SIPA1L3: variants seen among roughly 807,000 people sequenced by gnomAD.
SIPA1L3 encodes the protein signal induced proliferation associated 1 like 3, also known as signal-induced proliferation-associated 1-like protein 3.
Under a neutral mutation model 150.1 loss-of-function variants are expected in SIPA1L3, and 59 were observed. That is an observed-to-expected ratio of 0.39 (90% CI 0.32 to 0.49). The LOEUF is 0.49. SIPA1L3 is among the 20% of genes least tolerant of loss of function. The pLI is 0.86. For synonymous variants in SIPA1L3, 1,070 were observed against 1,077.6 expected, an observed-to-expected ratio of 0.99 and a Z score of 0.14; for missense variants, 2,211 against 2,489.5, an observed-to-expected ratio of 0.89 and a Z score of 2.38.
chr19:38,053,329 T>C (rs762015638), intron 2 of SIPA1L3, among the ~76,000 whole-genome samples: 2 of 152,248 alleles, frequency 1.3e-5, no homozygotes, highest in South Asian at 2.1e-4. Context: ...TTTACACTTA[T>C]TCACTTAGTT....
intron 2 of SIPA1L3, among the ~76,000 whole-genome samples, chr19:38,048,184 CTCAG>C (rs1385622394): frequency 1.3e-5 from 2 of 152,158 alleles, no homozygotes; most frequent in African/African-American, 4.8e-5. Flanking sequence ...CTTTGTGGTT[CTCAG>C]TCAGGATGCT....
At chr19:38,068,582 G>GT (rs1969649093) in intron 2 of SIPA1L3, among the ~76,000 whole-genome samples, 1 of 152,140 alleles carries the variant, frequency 6.6e-6, no homozygotes, top group Non-Finnish European at 1.5e-5. Flanking sequence ...CTACTTGGCA[G>GT]GGCATGGTGG....
rs540216435 is a variant in SIPA1L3 at position 38,208,096 on chromosome 19, T to C, written c.*1856T>C. ...GATCATTCGAATCATTTTGGGGACT[T>C]AATCATGTACATGGACAAGTGTAAA... On this transcript the variant is annotated 3_prime_UTR_variant, in exon 22 of 22. Transcript: ENST00000222345. 2.0e-5 allele frequency: 3 copies of C among 151,914 alleles called. No individual in the cohort carries two copies. Among genetic ancestry groups the C allele is most frequent in the African/African-American group, 7.3e-5 (3 of 41,308 alleles). The allele number at this position is 151,914 out of a possible 1,614,324, so 9.4% of individuals were successfully genotyped here.
At chr19:38,107,491 C>T (rs1970649353) in intron 7 of SIPA1L3, among the ~76,000 whole-genome samples, 1 of 152,232 alleles carries the variant, frequency 6.6e-6, no homozygotes, top group Non-Finnish European at 1.5e-5. Flanking sequence ...TGACCCGGCT[C>T]CTCTCTTGGA....
At chr19:37,935,531 C>A (rs1443152351) in intron 1 of SIPA1L3, among the ~76,000 whole-genome samples, 1 of 152,202 alleles carries the variant, frequency 6.6e-6, no homozygotes, top group African/African-American at 2.4e-5. Context: ...TTCTTGTGAA[C>A]CTGTGGTTGA....
At chr19:38,197,132 C>G (rs939988425) in intron 18 of SIPA1L3, among the ~76,000 whole-genome samples, 1 of 152,118 alleles carries the variant, frequency 6.6e-6, no homozygotes, top group African/African-American at 2.4e-5. Flanking sequence ...CACCCCCCGC[C>G]TCCGCCAGCC....
intron 1 of SIPA1L3, among the ~76,000 whole-genome samples, chr19:37,984,382 T>C (rs1429202680): frequency 6.6e-6 from 1 of 152,110 alleles, no homozygotes; most frequent in East Asian, 1.9e-4. Context: ...GGAGGCAATA[T>C]TAGAACTAAT....
rs1188296376 is a variant in SIPA1L3, at chr19:38,207,181, TGGA to T, written c.*946_*948del. On this transcript the variant is annotated 3_prime_UTR_variant, in exon 22 of 22. Coordinates refer to ENST00000222345, the MANE Select transcript of SIPA1L3 (RefSeq NM_015073.3). Reference sequence around the variant, plus strand: ...GCTCCCGAAGCCCTCAGGACAGGGCTGGAGGAGAACAGCCTTCATCTCCTCCTC... The same window carrying T: ...GCTCCCGAAGCCCTCAGGACAGGGCTGGAGAACAGCCTTCATCTCCTCCTC... 2 of 151,706 alleles carry T rather than the reference TGGA, an allele frequency of 1.3e-5. No individual in the cohort carries two copies. Among genetic ancestry groups the T allele is most frequent in the Non-Finnish European group, 2.9e-5 (2 of 67,954 alleles). The allele number at this position is 151,706 out of a possible 1,614,324, so 9.4% of individuals were successfully genotyped here.
intron 5 of SIPA1L3, 137 bp from the exon 6 acceptor site, chr19:38,100,915 C>G (rs1251405911): frequency 1.0e-6 from 1 of 958,958 alleles, no homozygotes; most frequent in Non-Finnish European, 1.4e-6. Context: ...ACTGTTTTCC[C>G]CTGTCTGGCT....
At chr19:38,102,681 A>G (rs1423070612) in intron 6 of SIPA1L3, among the ~76,000 whole-genome samples, 1 of 152,014 alleles carries the variant, frequency 6.6e-6, no homozygotes, top group Non-Finnish European at 1.5e-5. Flanking sequence ...CTAAAGAAAA[A>G]CAGAGCCAAG....
intron 12 of SIPA1L3, among the ~76,000 whole-genome samples, chr19:38,143,599 C>T (rs1372563023): frequency 7.8e-6 from 1 of 128,614 alleles, no homozygotes; most frequent in African/African-American, 3.1e-5. Context: ...AGTGCAGTGG[C>T]GCAATCTCAG....
chr19:38,179,278 C>A (rs1047047398), intron 15 of SIPA1L3, among the ~76,000 whole-genome samples: 1 of 152,178 alleles, frequency 6.6e-6, no homozygotes, highest in African/African-American at 2.4e-5. Context: ...CCTGTCTCTA[C>A]TAAAAATACA....
At chr19:38,124,786 G>A (rs1350980453) in intron 9 of SIPA1L3, among the ~76,000 whole-genome samples, 4 of 152,208 alleles carry the variant, frequency 2.6e-5, no homozygotes, top group African/African-American at 7.2e-5. Flanking sequence ...GATCACTCGC[G>A]GTTAGGAGCT....
At chr19:38,010,718 A>G (rs912827717) in intron 1 of SIPA1L3, among the ~76,000 whole-genome samples, 2 of 152,182 alleles carry the variant, frequency 1.3e-5, no homozygotes, top group African/African-American at 4.8e-5. Context: ...TCTAAAAAAC[A>G]AAACAAAACA....
chr19:38,112,309 C>T (rs1245225479), intron 8 of SIPA1L3, among the ~76,000 whole-genome samples: 24 of 152,122 alleles, frequency 1.6e-4, no homozygotes, highest in Non-Finnish European at 1.5e-5. Context: ...TGCACACGCA[C>T]ACATACACAC....
intron 16 of SIPA1L3, chr19:38,184,722 C>T (rs573323013): frequency 2.0e-5 from 3 of 152,262 alleles, no homozygotes; most frequent in South Asian, 4.2e-4. Context: ...AAACAGTGTC[C>T]CTGGAGATAT....
chr19:37,943,170 T>C (rs550108913), intron 1 of SIPA1L3, among the ~76,000 whole-genome samples: 38 of 151,954 alleles, frequency 2.5e-4, no homozygotes, highest in African/African-American at 8.0e-4. Context: ...TCACTCTGCC[T>C]GGCCAAGAGC....
chr19:38,167,631 TA>T (rs1205892165), intron 15 of SIPA1L3, among the ~76,000 whole-genome samples: 2 of 152,100 alleles, frequency 1.3e-5, no homozygotes, highest in Non-Finnish European at 2.9e-5. Flanking sequence ...AGTACGACCA[TA>T]GCTCACGATA....
intron 1 of SIPA1L3, among the ~76,000 whole-genome samples, chr19:37,962,146 C>CTTTTTTTT (rs369762947): frequency 7.0e-6 from 1 of 142,246 alleles, no homozygotes. Context: ...TTCTTTCATT[C>CTTTTTTTT]TTTTTTTTTT....
Sources: allele counts gnomAD v4.1 joint callset (sites outside exome capture counted in the v4.1 genomes callset), GRCh38; gene constraint gnomAD v4.1.1; transcripts MANE v1.5; gene names NCBI Gene and HGNC (gene_info 2026-07-23, HGNC 2026-07-21).